The following NKAIN3 variants were observed in gnomAD, a reference collection of about 807,000 sequenced individuals.
The protein encoded by NKAIN3 is sodium/potassium transporting ATPase interacting 3, also known as sodium/potassium-transporting ATPase subunit beta-1-interacting protein 3.
A neutral mutation model predicts 30.2 loss-of-function variants in NKAIN3; 25 were observed. The ratio of observed to expected loss-of-function variants is 0.83; its 90% CI spans 0.60 to 1.16. The LOEUF is 1.16. NKAIN3 is among the 50% of genes most tolerant of loss of function. NKAIN3 has a pLI of 0.00. For synonymous variants in NKAIN3, 91 were observed against 89.6 expected, an observed-to-expected ratio of 1.02 and a Z score of -0.09; for missense variants, 225 against 254.1, an observed-to-expected ratio of 0.89 and a Z score of 0.78.
chr8:62,577,478 G>GTT lies in NKAIN3; in HGVS notation c.55-2051_55-2050dup, dbSNP rs748208729. ...GTGTTTTTTTGTTGTTTTTTTTTTGGTTTTTTTTTTTGTTTGTTTTTCTGA... is the reference window on the plus strand; with the variant it reads ...GTGTTTTTTTGTTGTTTTTTTTTTGGTTTTTTTTTTTTTGTTTGTTTTTCTGA... On this transcript the variant is annotated intron_variant, in intron 1 of 6. Coordinates refer to ENST00000623646, the MANE Select transcript of NKAIN3 (RefSeq NM_001304533.3). Among the ~76,000 whole-genome samples, 749 of 121,592 alleles carry GTT rather than the reference G, an allele frequency of 6.2e-3. 6 individuals are homozygous for GTT. Among genetic ancestry groups the GTT allele is most frequent in the African/African-American group, 0.021 (707 of 33,586 alleles). The allele number at this position is 121,592 out of a possible 152,430, so 79.8% of individuals were successfully genotyped here.
chr8:62,445,830 T>G (rs1160300835), intron 1 of NKAIN3, among the ~76,000 whole-genome samples: 1 of 152,184 alleles, frequency 6.6e-6, no homozygotes, highest in Non-Finnish European at 1.5e-5. Flanking sequence ...GAGTTAGTTA[T>G]TTCTTCTGGG....
intron 4 of NKAIN3, among the ~76,000 whole-genome samples, chr8:62,862,707 G>A (rs1820289972): frequency 1.3e-5 from 2 of 152,076 alleles, no homozygotes; most frequent in South Asian, 2.1e-4. Context: ...TAGCTTTTAG[G>A]AGAGATGGGA....
intron 6 of NKAIN3, among the ~76,000 whole-genome samples, chr8:62,960,650 T>A: frequency 1.3e-5 from 2 of 150,542 alleles, no homozygotes; most frequent in Admixed American, 1.3e-4. Context: ...AATATTGACA[T>A]CAAAAAAATT....
intron 4 of NKAIN3, among the ~76,000 whole-genome samples, chr8:62,876,708 C>A (rs1444242551): frequency 1.3e-5 from 2 of 152,046 alleles, no homozygotes; most frequent in Admixed American, 6.6e-5. Context: ...CAAACTAACT[C>A]AGGAACAGAA....
intron 4 of NKAIN3, among the ~76,000 whole-genome samples, chr8:62,879,814 T>C (rs1820919557): frequency 6.6e-6 from 1 of 152,190 alleles, no homozygotes; most frequent in South Asian, 2.1e-4. Flanking sequence ...GAGAATGTAT[T>C]GCAGTGTCTG....
intron 4 of NKAIN3, among the ~76,000 whole-genome samples, chr8:62,776,929 G>T (rs971098911): frequency 6.6e-6 from 1 of 152,078 alleles, no homozygotes; most frequent in East Asian, 1.9e-4. Context: ...GTCTGAGAAA[G>T]TCTTTATTTC....
intron 5 of NKAIN3, among the ~76,000 whole-genome samples, chr8:62,995,796 A>T (rs551594236): frequency 1.8e-4 from 28 of 152,340 alleles, no homozygotes; most frequent in African/African-American, 6.3e-4. Context: ...TACTTCCATA[A>T]AGCCAAAAAT....
intron 3 of NKAIN3, among the ~76,000 whole-genome samples, chr8:62,707,615 C>T (rs2130484748): frequency 6.6e-6 from 1 of 152,144 alleles, no homozygotes; most frequent in East Asian, 1.9e-4. Flanking sequence ...ATTGTAGATT[C>T]TGGATGTTGG....
intron 4 of NKAIN3, among the ~76,000 whole-genome samples, chr8:62,767,851 G>T (rs1816892256): frequency 6.6e-6 from 1 of 150,894 alleles, no homozygotes; most frequent in South Asian, 2.1e-4. Flanking sequence ...TGGAAAACTT[G>T]GTACAAAAAA....
At chr8:62,622,931 T>C (rs1000830502) in intron 3 of NKAIN3, among the ~76,000 whole-genome samples, 2 of 151,980 alleles carry the variant, frequency 1.3e-5, no homozygotes, top group Non-Finnish European at 2.9e-5. Context: ...CCATTTTGAG[T>C]TAATTAATTA....
chr8:62,575,171 A>C (rs1810071210), intron 1 of NKAIN3, among the ~76,000 whole-genome samples: 2 of 152,164 alleles, frequency 1.3e-5, no homozygotes, highest in Non-Finnish European at 2.9e-5. Flanking sequence ...GGAAGGAAGA[A>C]GTCAAATTAG....
At position 62,394,601 on chromosome 8, in the gene NKAIN3, C is replaced by T. The variant is rs373301580; in HGVS notation, c.54+145474C>T. Among the ~76,000 whole-genome samples the T allele has an allele frequency of 1.7e-4, 26 of 152,306 alleles. 2 individuals are homozygous for T. The East Asian group carries it at 2.7e-3, about 16-fold the overall frequency. ...GGGTTGCACAGTGGCCAGTCAAAGG[C>T]GCTCCTCACTTCCCAGACAATGTGG... is the stretch of plus-strand genomic sequence containing the variant. On this transcript the variant is annotated intron_variant, in intron 1 of 6. Coordinates refer to ENST00000623646, the MANE Select transcript of NKAIN3 (RefSeq NM_001304533.3).
At chr8:62,554,416 C>G (rs1335106343) in intron 1 of NKAIN3, among the ~76,000 whole-genome samples, 2 of 152,098 alleles carry the variant, frequency 1.3e-5, no homozygotes, top group Non-Finnish European at 2.9e-5. Context: ...CAAACAACTA[C>G]AACTTCAAAA....
chr8:62,990,048 T>A (rs926528975), intron 5 of NKAIN3: 4 of 571,058 alleles, frequency 7.0e-6, no homozygotes, highest in Admixed American at 6.8e-5. Context: ...AGACTTGATT[T>A]CAGGCACTTA....
At chr8:62,358,309 T>C (rs1464203892) in intron 1 of NKAIN3, among the ~76,000 whole-genome samples, 1 of 149,896 alleles carries the variant, frequency 6.7e-6, no homozygotes, top group Admixed American at 6.7e-5. Flanking sequence ...CTGTACTTCA[T>C]TTTCAGACAG....
chr8:62,666,550 A>T (rs1366067812), intron 3 of NKAIN3, among the ~76,000 whole-genome samples: 6 of 152,132 alleles, frequency 3.9e-5, no homozygotes, highest in Admixed American at 3.9e-4. Context: ...TCAGCTTTAA[A>T]TATCTGTCAT....
At chr8:62,746,796 GTC>G (rs1196606305) in intron 3 of NKAIN3, 134 bp from the exon 4 acceptor site, 1 of 607,684 alleles carries the variant, frequency 1.6e-6, no homozygotes, top group African/African-American at 1.8e-5. Flanking sequence ...TTGGGGCTTT[GTC>G]TTTTGTTACT....
chr8:62,687,174 T>C (rs1359632501), intron 3 of NKAIN3, among the ~76,000 whole-genome samples: 2 of 152,228 alleles, frequency 1.3e-5, no homozygotes, highest in African/African-American at 2.4e-5. Flanking sequence ...ATTTGAATTG[T>C]TCAGGACACA....
chr8:62,791,548 A>T (rs1438973044), intron 4 of NKAIN3, among the ~76,000 whole-genome samples: 1 of 152,122 alleles, frequency 6.6e-6, no homozygotes, highest in Non-Finnish European at 1.5e-5. Flanking sequence ...TTGATCCTCA[A>T]AACTGAAAAC....
Sources: gnomAD v4.1 joint callset for allele counts (sites outside exome capture counted in the v4.1 genomes callset) on GRCh38, gnomAD v4.1.1 for gene constraint, MANE v1.5 for transcripts, NCBI Gene and HGNC (gene_info 2026-07-23, HGNC 2026-07-21) for gene names.